DTNB: variants seen among roughly 807,000 people sequenced by gnomAD.
DTNB encodes the protein dystrobrevin beta.
DTNB carries 63 observed loss-of-function variants against 90.7 expected under a neutral mutation model. That is an observed-to-expected ratio of 0.69 (90% CI 0.57 to 0.86). The LOEUF (loss-of-function observed/expected upper bound fraction) is 0.86. Ranked by LOEUF, DTNB falls within the 40% of genes least tolerant of loss-of-function variation. The probability of loss-of-function intolerance (pLI) is 0.00; values close to 1 mark genes in which losing one functional copy is unlikely to be tolerated. For missense variants in DTNB, 744 were observed against 807.1 expected (o/e 0.92, Z 0.95); for synonymous variants, 277 against 286.7 (o/e 0.97, Z 0.34).
At chr2:25,634,107 G>A (rs1340813466) in intron 3 of DTNB, among the ~76,000 whole-genome samples, 1 of 151,080 alleles carries the variant, frequency 6.6e-6, no homozygotes, top group Non-Finnish European at 1.5e-5. Flanking sequence ...CGGGAGGGAG[G>A]TGGGCGAGTC....
chr2:25,476,968 T>C (rs2063859600), intron 10 of DTNB, among the ~76,000 whole-genome samples: 1 of 152,096 alleles, frequency 6.6e-6, no homozygotes, highest in African/African-American at 2.4e-5. Context: ...GGAGAGTCCA[T>C]TAAGGGGGCA....
chr2:25,452,481 G>A (rs757824283), intron 11 of DTNB, among the ~76,000 whole-genome samples: 2 of 152,208 alleles, frequency 1.3e-5, no homozygotes, highest in African/African-American at 2.4e-5. Flanking sequence ...GCTTTAAGAC[G>A]ACAGTGATGA....
intron 3 of DTNB, among the ~76,000 whole-genome samples, chr2:25,633,594 G>C (rs1484096150): frequency 6.6e-6 from 1 of 152,044 alleles, no homozygotes; most frequent in East Asian, 1.9e-4. Context: ...ACCCCGTCTG[G>C]GAAGTGAGGA....
chr2:25,631,398 C>G (rs1359065629), intron 3 of DTNB, among the ~76,000 whole-genome samples: 1 of 151,704 alleles, frequency 6.6e-6, no homozygotes, highest in African/African-American at 2.4e-5. Flanking sequence ...TAGTGGAATC[C>G]CATCTCCACA....
intron 1 of DTNB, among the ~76,000 whole-genome samples, chr2:25,660,416 G>A (rs935947622): frequency 2.6e-5 from 4 of 152,098 alleles, no homozygotes; most frequent in Non-Finnish European, 4.4e-5. Context: ...GGTTTCCAGG[G>A]GTTTGTGGAG....
At chr2:25,429,239 T>C (rs1034756070) in intron 14 of DTNB, among the ~76,000 whole-genome samples, 1 of 152,236 alleles carries the variant, frequency 6.6e-6, no homozygotes, top group African/African-American at 2.4e-5. Flanking sequence ...TCAGGTTAAG[T>C]AAGATATACT....
At chr2:25,611,825 C>T (rs1266055976) in intron 4 of DTNB, among the ~76,000 whole-genome samples, 2 of 151,998 alleles carry the variant, frequency 1.3e-5, no homozygotes, top group Non-Finnish European at 2.9e-5. Flanking sequence ...AAAAATAATA[C>T]ACTAAAATAA....
chr2:25,378,995 C>G (rs1172002130), intron 20 of DTNB, among the ~76,000 whole-genome samples: 3 of 152,180 alleles, frequency 2.0e-5, no homozygotes, highest in Non-Finnish European at 4.4e-5. Context: ...TCAGCACACC[C>G]TGTTTCAGCC....
intron 9 of DTNB, among the ~76,000 whole-genome samples, chr2:25,499,406 G>C (rs1028803580): frequency 6.6e-6 from 1 of 152,140 alleles, no homozygotes; most frequent in Non-Finnish European, 1.5e-5. Context: ...TTCACATGCT[G>C]TGCTCTGGGG....
intron 9 of DTNB, among the ~76,000 whole-genome samples, chr2:25,514,776 C>T (rs904584571): frequency 2.0e-5 from 3 of 150,424 alleles, no homozygotes; most frequent in Non-Finnish European, 3.0e-5. Context: ...CTCCACCTCC[C>T]GAATTCAAGC....
chr2:25,397,047 C>T (rs1159170607), intron 16 of DTNB, among the ~76,000 whole-genome samples: 1 of 151,670 alleles, frequency 6.6e-6, no homozygotes, highest in African/African-American at 2.4e-5. Context: ...ACACCCCCAC[C>T]TCCCCCACCC....
intron 6 of DTNB, among the ~76,000 whole-genome samples, chr2:25,587,086 G>C (rs1028508096): frequency 1.3e-5 from 2 of 152,150 alleles, no homozygotes; most frequent in African/African-American, 2.4e-5. Context: ...GAACAGGAGA[G>C]GGATGGGGTA....
chr2:25,645,313 G>T lies in DTNB; in HGVS notation c.68-6219C>A, dbSNP rs546451729. Among the ~76,000 whole-genome samples, 8 of 146,640 alleles carry T rather than the reference G, an allele frequency of 5.5e-5. No individual in the cohort carries two copies. In the South Asian group the frequency reaches 1.5e-3, roughly 27 times the overall value. ...CATGAGAACTGCTTGAGCTGAGATT[G>T]AGCCATTGCACTCCAGCCTGGGTGA... is the stretch of plus-strand genomic sequence containing the variant. On this transcript the variant is annotated intron_variant, in intron 2 of 20. Coordinates refer to ENST00000406818, the MANE Select transcript of DTNB (RefSeq NM_021907.5).
chr2:25,632,442 T>C (rs1203497317), intron 3 of DTNB, among the ~76,000 whole-genome samples: 2 of 152,210 alleles, frequency 1.3e-5, no homozygotes, highest in African/African-American at 2.4e-5. Context: ...GCAAAAATGA[T>C]GTTGAAATGT....
At chr2:25,563,188 G>A (rs935530108) in intron 8 of DTNB, among the ~76,000 whole-genome samples, 2 of 152,090 alleles carry the variant, frequency 1.3e-5, no homozygotes, top group Non-Finnish European at 1.5e-5. Context: ...CTTTTTCATC[G>A]TGCAAATCTG....
chr2:25,453,489 T>C (rs141730907), intron 11 of DTNB, among the ~76,000 whole-genome samples: 39 of 152,320 alleles, frequency 2.6e-4, no homozygotes, highest in African/African-American at 8.7e-4. Flanking sequence ...CATCATGTTC[T>C]CCCAGGGCTA....
intron 16 of DTNB, among the ~76,000 whole-genome samples, chr2:25,407,150 G>A (rs2045408594): frequency 6.6e-6 from 1 of 151,938 alleles, no homozygotes; most frequent in Non-Finnish European, 1.5e-5. Flanking sequence ...TATACAAATG[G>A]CCAACAAACA....
At chr2:25,570,666 T>C (rs1164662905) in intron 8 of DTNB, among the ~76,000 whole-genome samples, 2 of 152,128 alleles carry the variant, frequency 1.3e-5, no homozygotes, top group Admixed American at 1.3e-4. Context: ...TCAAAACACA[T>C]TCTTCACTTG....
intron 6 of DTNB, among the ~76,000 whole-genome samples, chr2:25,593,036 C>T (rs1181343355): frequency 6.6e-6 from 1 of 151,834 alleles, no homozygotes; most frequent in Non-Finnish European, 1.5e-5. Flanking sequence ...ATCATGTGAG[C>T]ACAGGAGGCA....
Sources: gnomAD v4.1 joint callset for allele counts (sites outside exome capture counted in the v4.1 genomes callset) on GRCh38, gnomAD v4.1.1 for gene constraint, MANE v1.5 for transcripts, NCBI Gene and HGNC (gene_info 2026-07-23, HGNC 2026-07-21) for gene names.